The following RHPN1 variants were observed in gnomAD, a reference collection of about 807,000 sequenced individuals.
RHPN1 encodes the protein rhophilin-1.
RHPN1 carries 77 observed loss-of-function variants against 74.7 expected under a neutral mutation model. The observed-to-expected ratio is 1.03, with a 90% confidence interval of 0.86 to 1.25. The LOEUF (loss-of-function observed/expected upper bound fraction) is 1.25, where lower values mean the gene tolerates loss of function less well. Among genes scored for constraint, RHPN1 ranks in the 50% most tolerant of loss-of-function variants. RHPN1 has a pLI of 0.00. For synonymous variants in RHPN1, 444 were observed against 414.5 expected (o/e 1.07, Z -0.87); for missense variants, 987 against 932.2 (o/e 1.06, Z -0.77).
intron 12 of RHPN1, 79 bp downstream of exon 12, chr8:143,381,423 C>G (rs1026744667): frequency 6.8e-7 from 1 of 1,467,770 alleles, no homozygotes; most frequent in African/African-American, 1.4e-5. Context: ...TGGCCTCAGA[C>G]AGGCCATTGA....
At chr8:143,378,184 TC>T in intron 4 of RHPN1, 84 bp from the exon 5 acceptor site, 2 of 1,141,668 alleles carry the variant, frequency 1.8e-6, no homozygotes, top group Non-Finnish European at 2.6e-6. Context: ...CCACCATGAG[TC>T]TTTTCCCAAG....
chr8:143,371,674 G>A lies in RHPN1; in HGVS notation c.60+2627G>A, dbSNP rs565425076. Among the ~76,000 whole-genome samples the A allele has an allele frequency of 2.2e-4, 33 of 152,308 alleles. No homozygotes were observed. In the South Asian group the frequency reaches 6.4e-3, roughly 30 times the overall value. ...TCTCTGTTCTTCGTCCCTCTCCATC[G>A]AGGCATGGCCAGGCCCTTCATGTGT... On this transcript the variant is annotated intron_variant, in intron 1 of 14. Coordinates refer to ENST00000289013, the MANE Select transcript of RHPN1 (RefSeq NM_052924.3).
intron 3 of RHPN1, among the ~76,000 whole-genome samples, chr8:143,376,880 A>G (rs143416298): frequency 3.4e-5 from 5 of 148,432 alleles, no homozygotes; most frequent in African/African-American, 1.0e-4. Context: ...ATGTGTGTGC[A>G]TGTGTGTGCA....
In RHPN1 at chr8:143,380,133, G is replaced by T; in HGVS notation, c.1174G>T (p.Gly392Cys). Residue 392 changes from glycine (G) to cysteine (C), a missense_variant, in exon 10 of 15, where the codon GGC (glycine) becomes TGC (cysteine). By Grantham distance (159) the Gly-to-Cys change is radical. Transcript: ENST00000289013. ...LQPPTSSKPRGPVLPQELEER... is the reference protein window; with the variant it reads ...LQPPTSSKPRCPVLPQELEER... The stretch of plus-strand genomic sequence containing the variant: ...GCCCCCCACCTCCTCTAAGCCCCGA[G>T]GCCCTGTGCTGCCGCAGGAGCTGGA... 1 of 1,550,330 alleles carries T rather than the reference G, an allele frequency of 6.5e-7. No homozygotes were observed.
rs759066358 is a variant in RHPN1 at position 143,380,144 on chromosome 8, G to C, written c.1185G>C (p.Leu395=). ...CCTCTAAGCCCCGAGGCCCTGTGCTGCCGCAGGAGCTGGAGGAGCGCAGGC... is the reference window on the plus strand; with the variant it reads ...CCTCTAAGCCCCGAGGCCCTGTGCTCCCGCAGGAGCTGGAGGAGCGCAGGC... ...PTSSKPRGPV[L]PQELEERRQL... is the part of the protein sequence containing the mutation. Residue 395 remains leucine, a synonymous_variant, in exon 10 of 15, where the codon CTG becomes CTC. Coordinates refer to ENST00000289013, the MANE Select transcript of RHPN1 (RefSeq NM_052924.3). 6.5e-7 allele frequency: 1 copy of C among 1,548,044 alleles called. No individual in the cohort carries two copies. The highest frequency in any genetic ancestry group is 1.2e-5 in the South Asian group (1 of 83,922).
At chr8:143,377,052 C>G (rs7461539) in intron 3 of RHPN1, among the ~76,000 whole-genome samples, 2 of 45,784 alleles carry the variant, frequency 4.4e-5, no homozygotes, top group African/African-American at 7.4e-5. Flanking sequence ...CTGTGTGTGT[C>G]TGTGTGTGCG....
chr8:143,382,085 C>A, intron 14 of RHPN1, 117 bp downstream of exon 14: 1 of 1,033,056 alleles, frequency 9.7e-7, no homozygotes, highest in Non-Finnish European at 1.4e-6. Flanking sequence ...GCAGGTAACC[C>A]TCCCTGGGCC....
In RHPN1 at chr8:143,384,135, A is replaced by G. The variant is rs1818919613; in HGVS notation, c.*1484A>G. On this transcript the variant is annotated 3_prime_UTR_variant, in exon 15 of 15. Coordinates refer to ENST00000289013, the MANE Select transcript of RHPN1 (RefSeq NM_052924.3). ...AGGTCCCCCACTTGCCCTTGTGGGA[A>G]AATCCCTGTCTCAGCAGAATGGGCC... 1 of 152,078 alleles carries G rather than the reference A, an allele frequency of 6.6e-6. No homozygotes were observed. The highest frequency in any genetic ancestry group is 1.5e-5 in the Non-Finnish European group (1 of 68,000). The allele number at this position is 152,078 out of a possible 1,614,324, so 9.4% of individuals were successfully genotyped here.
chr8:143,371,348 A>G (rs1305673237), intron 1 of RHPN1, among the ~76,000 whole-genome samples: 1 of 151,966 alleles, frequency 6.6e-6, no homozygotes, highest in East Asian at 1.9e-4. Context: ...GGGGCAGAGG[A>G]GAGGGGTACC....
chr8:143,382,445 C>A lies in RHPN1; in HGVS notation c.1807C>A (p.Arg603=), dbSNP rs373820332. 1 of 1,566,438 alleles carries A rather than the reference C, an allele frequency of 6.4e-7. No individual in the cohort carries two copies. Among genetic ancestry groups the A allele is most frequent in the Non-Finnish European group, 8.6e-7 (1 of 1,156,734 alleles). The stretch of plus-strand genomic sequence containing the variant: ...TCTGTCCCTGCTGCAGGGGGACCGC[C>A]GGCCCGTCCTGCTGGGCCCCAGGGG... ...SSRLPSLGDR[R]PVLLGPRGLL... is the part of the protein sequence containing the mutation. The change falls in exon 15 of 15, where the codon CGG becomes AGG. Residue 603 remains arginine, a synonymous_variant. Coordinates refer to ENST00000289013, the MANE Select transcript of RHPN1 (RefSeq NM_052924.3).
At chr8:143,370,907 G>A (rs2130537119) in intron 1 of RHPN1, among the ~76,000 whole-genome samples, 1 of 152,340 alleles carries the variant, frequency 6.6e-6, no homozygotes, top group African/African-American at 2.4e-5. Context: ...AGGCTGCAGA[G>A]GGAGAGCGTT....
intron 8 of RHPN1, 95 bp from the exon 9 acceptor site, chr8:143,379,734 G>T: frequency 6.8e-7 from 1 of 1,480,448 alleles, no homozygotes. Context: ...GAGGCTGCTG[G>T]GATGGTGGTC....
chr8:143,380,339 G>C (rs1818627852), intron 10 of RHPN1, 164 bp downstream of exon 10: 1 of 683,974 alleles, frequency 1.5e-6, no homozygotes, highest in Non-Finnish European at 2.4e-6. Flanking sequence ...TGACGGCCCA[G>C]CGCAGGGGCC....
chr8:143,367,674 G>C (rs1490288825), upstream of RHPN1: 4 of 152,232 alleles, frequency 2.6e-5, no homozygotes, highest in African/African-American at 9.6e-5. Context: ...TTGCGGAGCC[G>C]GGAGCACAGG....
chr8:143,378,356 T>TCGGGGGGGGGGGGGGGCCCCCCCCC lies in RHPN1; in HGVS notation c.459+11_459+12insGGGGGGGGGGGGGGGCCCCCCCCCC. 1 of 1,525,438 alleles carries TCGGGGGGGGGGGGGGGCCCCCCCCC rather than the reference T, an allele frequency of 6.6e-7. No homozygotes were observed. Among genetic ancestry groups the TCGGGGGGGGGGGGGGGCCCCCCCCC allele is most frequent in the Non-Finnish European group, 8.8e-7 (1 of 1,136,350 alleles). The allele number at this position is 1,525,438 out of a possible 1,614,324, so 94.5% of individuals were successfully genotyped here. On this transcript the variant is annotated intron_variant, in intron 5 of 14. Coordinates refer to ENST00000289013, the MANE Select transcript of RHPN1 (RefSeq NM_052924.3). ...GGAGGCCCTGCGGCAGGTGTGTGGT[T>TCGGGGGGGGGGGGGGGCCCCCCCCC]CCCCCGCCCACCCACCCTCCTGCAG... is the stretch of plus-strand genomic sequence containing the variant.
At chr8:143,370,955 C>T (rs561420186) in intron 1 of RHPN1, among the ~76,000 whole-genome samples, 1 of 152,154 alleles carries the variant, frequency 6.6e-6, no homozygotes, top group African/African-American at 2.4e-5. Flanking sequence ...GCCCCCCTCA[C>T]CTGGTCTCCA....
At chr8:143,368,798 C>G, upstream of RHPN1, 4 of 343,976 alleles carry the variant, frequency 1.2e-5, no homozygotes, top group Middle Eastern at 7.7e-4. Context: ...GCCAGCTTCG[C>G]ACGCCAGACC....
chr8:143,369,148 A>T, intron 1 of RHPN1, 101 bp downstream of exon 1: 1 of 886,566 alleles, frequency 1.1e-6, no homozygotes, highest in Non-Finnish European at 1.6e-6. Flanking sequence ...CCTACGTCTC[A>T]TTCGGCCCGG....
At chr8:143,368,331 G>A (rs1817607613), upstream of RHPN1, 1 of 153,520 alleles carries the variant, frequency 6.5e-6, no homozygotes, top group African/African-American at 2.4e-5. Flanking sequence ...CGGGCAGAGA[G>A]AAGAAAGCAG....
Sources: gnomAD v4.1 joint callset for allele counts (sites outside exome capture counted in the v4.1 genomes callset) on GRCh38, gnomAD v4.1.1 for gene constraint, MANE v1.5 for transcripts, NCBI Gene and HGNC (gene_info 2026-07-23, HGNC 2026-07-21) for gene names.